AGMO: variants seen among roughly 807,000 people sequenced by gnomAD.
AGMO encodes the protein alkylglycerol monooxygenase, also known as glyceryl-ether monooxygenase.
AGMO carries 75 observed loss-of-function variants against 60.2 expected under a neutral mutation model. The ratio of observed to expected loss-of-function variants is 1.25; its 90% CI spans 1.03 to 1.51. The LOEUF (loss-of-function observed/expected upper bound fraction) is 1.51. Among genes scored for constraint, AGMO ranks in the 40% most tolerant of loss-of-function variants. The pLI, the probability that AGMO is intolerant of heterozygous loss-of-function variation, is 0.00. For synonymous variants in AGMO, 261 were observed against 177.1 expected, an observed-to-expected ratio of 1.47 and a Z score of -3.76; for missense variants, 763 against 525.5, an observed-to-expected ratio of 1.45 and a Z score of -4.42.
At chr7:15,130,405 T>C in the AGMO span, among the ~76,000 whole-genome samples, 1 of 152,094 alleles carries the variant, frequency 6.6e-6, no homozygotes, top group African/African-American at 2.4e-5. Context: ...GAACAAGACA[T>C]TTTCTTGAAT....
chr7:15,503,751 C>T (rs527323872), intron 3 of AGMO, among the ~76,000 whole-genome samples: 1 of 151,996 alleles, frequency 6.6e-6, no homozygotes, highest in East Asian at 1.9e-4. Flanking sequence ...ATAATAGAAG[C>T]ACTTTTTATT....
chr7:15,397,836 A>T (rs1370322884), intron 5 of AGMO, among the ~76,000 whole-genome samples: 1 of 152,232 alleles, frequency 6.6e-6, no homozygotes, highest in Non-Finnish European at 1.5e-5. Flanking sequence ...ATACACTCCT[A>T]TGAAGTAAAG....
intron 3 of AGMO, among the ~76,000 whole-genome samples, chr7:15,449,930 A>G (rs993503795): frequency 6.6e-6 from 1 of 152,208 alleles, no homozygotes. Context: ...TACCACTTAA[A>G]TCACATTTTA....
In AGMO at chr7:15,450,246, C is replaced by T. The variant is rs1212212326; in HGVS notation, c.410-19138G>A. ...CCATCCTGGCTAACACGGTGAAACC[C>T]CGTCTCTACTAAAAATACACAAAAT... is the stretch of plus-strand genomic sequence containing the variant. On this transcript the variant is annotated intron_variant, in intron 3 of 12. Coordinates refer to ENST00000342526, the MANE Select transcript of AGMO (RefSeq NM_001004320.2). Among the ~76,000 whole-genome samples the T allele has an allele frequency of 3.3e-5, 5 of 152,012 alleles. No individual in the cohort carries two copies. The East Asian group carries it at 5.8e-4, about 18-fold the overall frequency.
chr7:15,164,111 G>T, the AGMO span, among the ~76,000 whole-genome samples: 2 of 152,142 alleles, frequency 1.3e-5, no homozygotes, highest in South Asian at 2.1e-4. Context: ...ACAACCAACT[G>T]ATCTTTAACA....
Position 15,315,328 on chromosome 7 carries a change from C to CTTTTTTTTTTTT in AGMO, c.1263+50174_1263+50185dup, listed in dbSNP as rs1178276622. 5.2e-4 allele frequency among the ~76,000 whole-genome samples: 25 copies of CTTTTTTTTTTTT among 48,198 alleles called. 5 individuals carry two copies. The highest frequency in any genetic ancestry group is 1.8e-3 in the African/African-American group (24 of 13,200). The allele number at this position is 48,198 out of a possible 152,430, so 31.6% of individuals were successfully genotyped here. A position where few individuals can be genotyped will look rare whatever the true frequency, so the allele number is the denominator to read the frequency against. On this transcript the variant is annotated intron_variant, in intron 12 of 12. Coordinates refer to ENST00000342526, the MANE Select transcript of AGMO (RefSeq NM_001004320.2). ...TAAGCAAAACTTACATGGATATTTG[C>CTTTTTTTTTTTT]TTTTTTTTTTTTTTTTTTTTTTTTT...
the AGMO span, among the ~76,000 whole-genome samples, chr7:15,129,538 T>G: frequency 6.6e-6 from 1 of 152,088 alleles, no homozygotes; most frequent in African/African-American, 2.4e-5. Flanking sequence ...AGAAAAATAA[T>G]CAGTGTTAGA....
At chr7:15,326,112 A>T (rs1323322652) in intron 12 of AGMO, among the ~76,000 whole-genome samples, 1 of 152,172 alleles carries the variant, frequency 6.6e-6, no homozygotes, top group Non-Finnish European at 1.5e-5. Flanking sequence ...TCTTAGAAAA[A>T]ATATAAAACT....
the AGMO span, among the ~76,000 whole-genome samples, chr7:15,130,732 G>A: frequency 6.6e-6 from 1 of 152,072 alleles, no homozygotes; most frequent in Non-Finnish European, 1.5e-5. Context: ...ATTGCTTAAA[G>A]GAATACAGAA....
chr7:15,166,950 T>C, the AGMO span, among the ~76,000 whole-genome samples: 1 of 152,174 alleles, frequency 6.6e-6, no homozygotes, highest in Admixed American at 6.5e-5. Context: ...AGGGCTCTTA[T>C]CCATTCAGTA....
intron 3 of AGMO, among the ~76,000 whole-genome samples, chr7:15,511,236 A>G (rs1783663789): frequency 6.6e-6 from 1 of 152,174 alleles, no homozygotes; most frequent in African/African-American, 2.4e-5. Flanking sequence ...GCACTCATGC[A>G]GGACCATGTA....
chr7:15,358,824 C>G (rs1185300641), intron 12 of AGMO, among the ~76,000 whole-genome samples: 1 of 152,128 alleles, frequency 6.6e-6, no homozygotes, highest in Non-Finnish European at 1.5e-5. Flanking sequence ...CTTAATTTTG[C>G]TTGCTTTGCC....
At chr7:15,227,823 T>C (rs1203194097) in intron 12 of AGMO, among the ~76,000 whole-genome samples, 1 of 152,152 alleles carries the variant, frequency 6.6e-6, no homozygotes, top group Non-Finnish European at 1.5e-5. Context: ...ATAAAGTTAA[T>C]GACTTAAAAT....
At chr7:15,120,287 TA>T in the AGMO span, among the ~76,000 whole-genome samples, 1 of 152,142 alleles carries the variant, frequency 6.6e-6, no homozygotes, top group Non-Finnish European at 1.5e-5. Flanking sequence ...TTCAAACTGA[TA>T]AATCCAATGG....
chr7:15,161,640 A>G, the AGMO span, among the ~76,000 whole-genome samples: 1 of 151,400 alleles, frequency 6.6e-6, no homozygotes, highest in East Asian at 1.9e-4. Context: ...TCATACATAT[A>G]TATATATCAT....
intron 3 of AGMO, among the ~76,000 whole-genome samples, chr7:15,446,173 A>G (rs1350169320): frequency 6.6e-6 from 1 of 152,208 alleles, no homozygotes; most frequent in Non-Finnish European, 1.5e-5. Flanking sequence ...AACAGCGAGT[A>G]ATGGATAGCT....
Position 15,430,986 on chromosome 7 carries a change from T to C in AGMO, c.513+19A>G. 2 of 1,419,246 alleles carry C rather than the reference T, an allele frequency of 1.4e-6. No individual in the cohort carries two copies. The highest frequency in any genetic ancestry group is 2.4e-5 in the East Asian group (1 of 42,318). The allele number at this position is 1,419,246 out of a possible 1,614,324, so 87.9% of individuals were successfully genotyped here. A position where few individuals can be genotyped will look rare whatever the true frequency, so the allele number is the denominator to read the frequency against. On this transcript the variant is annotated intron_variant, in intron 4 of 12. Transcript: ENST00000342526. ...AAACAAATTAGATTACCATGTTTAT[T>C]CCATTTCATACAACTTACCCAGGAA...
At chr7:15,189,041 T>C in the AGMO span, among the ~76,000 whole-genome samples, 167 of 152,202 alleles carry the variant, frequency 1.1e-3, no homozygotes, top group Non-Finnish European at 2.1e-3. Context: ...GATGAAGAAA[T>C]AGTCTTTTAA....
intron 3 of AGMO, among the ~76,000 whole-genome samples, chr7:15,527,296 T>A (rs1007276515): frequency 2.6e-5 from 4 of 152,140 alleles, no homozygotes; most frequent in African/African-American, 9.7e-5. Flanking sequence ...CCAGTGAACA[T>A]ATGAATGATA....
Sources: gnomAD v4.1 joint callset for allele counts (sites outside exome capture counted in the v4.1 genomes callset) on GRCh38, gnomAD v4.1.1 for gene constraint, MANE v1.5 for transcripts, NCBI Gene and HGNC (gene_info 2026-07-23, HGNC 2026-07-21) for gene names.